The following AK1 variants were observed in gnomAD, a reference collection of about 807,000 sequenced individuals.
AK1 encodes adenylate kinase 1, also known as adenylate kinase isoenzyme 1.
Under a neutral mutation model 23.9 loss-of-function variants are expected in AK1, and 13 were observed. The observed-to-expected ratio is 0.54, with a 90% CI of 0.35 to 0.86. The LOEUF is 0.86. Among genes scored for constraint, AK1 ranks in the 40% least tolerant of loss-of-function variants. The probability of loss-of-function intolerance (pLI) is 0.01; values close to 1 mark genes in which losing one functional copy is unlikely to be tolerated. For missense variants in AK1, 214 were observed against 255.1 expected (o/e 0.84, Z 1.10); for synonymous variants, 97 against 102.8 (o/e 0.94, Z 0.34).
intron 2 of AK1, chr9:127,873,713 G>A (rs1434369186): frequency 1.0e-6 from 1 of 985,330 alleles, no homozygotes; most frequent in Admixed American, 6.1e-5. Flanking sequence ...GGGAAACTGA[G>A]CTCGAGAGAG....
upstream of AK1, among the ~76,000 whole-genome samples, chr9:127,879,146 A>G (rs981717013): frequency 7.9e-5 from 12 of 152,010 alleles, no homozygotes; most frequent in African/African-American, 2.9e-4. Flanking sequence ...GTTTCAAGGA[A>G]ACATGTGGGC....
At chr9:127,874,544 G>A (rs1829493459) in intron 2 of AK1, 67 bp downstream of exon 2, 55 of 1,611,806 alleles carry the variant, frequency 3.4e-5, no homozygotes, top group Non-Finnish European at 4.5e-5. Context: ...CTCCCTGAGA[G>A]CGCACCCCCT....
chr9:127,871,883 T>C lies in AK1; in HGVS notation c.264A>G (p.Lys88=). ...DAMVAKVNTS[K]GFLIDGYPRE... is the part of the protein sequence containing the mutation. ...GCGGGTAGCCATCAATCAGGAAGCC[T>C]TTGGAAGTATTGACTTTGGCCACCA... The change falls in exon 5 of 7, where the codon AAA becomes AAG. Residue 88 remains lysine, a synonymous_variant. Transcript: ENST00000644144. The surrounding 1 kb of genome is among the most constrained non-coding windows in gnomAD (Gnocchi z 4.4). 6.2e-7 allele frequency: 1 copy of C among 1,614,088 alleles called. No homozygotes were observed. The highest frequency in any genetic ancestry group is 8.5e-7 in the Non-Finnish European group (1 of 1,179,992).
chr9:127,870,662 T>A (rs1006186958), intron 5 of AK1, among the ~76,000 whole-genome samples: 1 of 152,062 alleles, frequency 6.6e-6, no homozygotes, highest in Non-Finnish European at 1.5e-5. Flanking sequence ...CCATTTCAGA[T>A]AGGGAAGGTG....
Position 127,867,716 on chromosome 9 carries a change from G to C in AK1, c.*292C>G, listed in dbSNP as rs1015849711. The C allele has an allele frequency of 2.4e-6, 1 of 419,240 alleles. No individual in the cohort carries two copies. The highest frequency in any genetic ancestry group is 2.0e-5 in the African/African-American group (1 of 49,162). The allele number at this position is 419,240 out of a possible 1,614,324, so 26.0% of individuals were successfully genotyped here. On this transcript the variant is annotated 3_prime_UTR_variant, in exon 7 of 7. Coordinates refer to ENST00000644144, the MANE Select transcript of AK1 (RefSeq NM_000476.3). ...GGCCTCCCACCAGAGCTAGAGGAGG[G>C]GTGGCTGGCAAAGGGAGGCTGAGGA... is the stretch of plus-strand genomic sequence containing the variant.
At chr9:127,876,697 G>A (rs1421009512) in intron 1 of AK1, among the ~76,000 whole-genome samples, 1 of 35,080 alleles carries the variant, frequency 2.9e-5, no homozygotes, top group Non-Finnish European at 5.6e-5. Context: ...AGCCCCCTCC[G>A]CCCTGATGGC....
chr9:127,867,862 C>T lies in AK1; in HGVS notation c.*146G>A. On this transcript the variant is annotated 3_prime_UTR_variant, in exon 7 of 7. Transcript: ENST00000644144. ...AATGTCCTTAGAAATTCCTTTAGTG[C>T]TCAGCTGTCCATGAAAACAGGATAA... 1 of 760,524 alleles carries T rather than the reference C, an allele frequency of 1.3e-6. No individual in the cohort carries two copies. The highest frequency in any genetic ancestry group is 1.6e-5 in the South Asian group (1 of 63,452). The allele number at this position is 760,524 out of a possible 1,614,324, so 47.1% of individuals were successfully genotyped here.
At chr9:127,874,733 G>C in intron 1 of AK1, 84 bp from the exon 2 acceptor site, 1 of 1,358,618 alleles carries the variant, frequency 7.4e-7, no homozygotes, top group Admixed American at 1.8e-5. Context: ...AAGGCAACTG[G>C]TGTGTGCCAG....
At position 127,872,756 on chromosome 9, in the gene AK1, G is replaced by A. The variant is rs888655543; in HGVS notation, c.141C>T (p.Val47=). 3 of 1,614,074 alleles carry A rather than the reference G, an allele frequency of 1.9e-6. No homozygotes were observed. Among genetic ancestry groups the A allele is most frequent in the African/African-American group, 1.3e-5 (1 of 74,940 alleles). The change falls in exon 4 of 7, where the codon GTC becomes GTT. Residue 47 remains valine (V), a synonymous_variant. Coordinates refer to ENST00000644144, the MANE Select transcript of AK1 (RefSeq NM_000476.3). ...LSTGDLLRSE[V]SSGSARGKKL... ...TCTTGCCCCTGGCCGAGCCTGAGCT[G>A]ACCTCGGACCGCAGGAGGTCCCCGG... is the stretch of plus-strand genomic sequence containing the variant.
intron 1 of AK1, among the ~76,000 whole-genome samples, chr9:127,876,292 G>T (rs2131414742): frequency 6.6e-6 from 1 of 152,338 alleles, no homozygotes; most frequent in East Asian, 1.9e-4. Flanking sequence ...TGTGCTGCGG[G>T]CCTGGGATCC....
chr9:127,871,832 A>G lies in AK1; in HGVS notation c.315T>C (p.Phe105=), dbSNP rs1408718425. The change falls in exon 5 of 7, where the codon TTT becomes TTC. Residue 105 remains phenylalanine, a synonymous_variant. Coordinates refer to ENST00000644144, the MANE Select transcript of AK1 (RefSeq NM_000476.3). The surrounding 1 kb of genome is among the most constrained non-coding windows in gnomAD (Gnocchi z 4.4). The part of the protein sequence containing the change: ...YPREVQQGEE[F]ERRIGQPTLL... The stretch of plus-strand genomic sequence containing the variant: ...TGGGTCAGTGCCTTACCCGTCGCTC[A>G]AACTCTTCTCCTTGCTGCACCTCCC... 6.2e-7 allele frequency: 1 copy of G among 1,613,942 alleles called. No homozygotes were observed. The highest frequency in any genetic ancestry group is 1.3e-5 in the African/African-American group (1 of 74,894).
At chr9:127,873,142 G>A (rs769428663) in intron 2 of AK1, 81 bp from the exon 3 acceptor site, 4 of 1,572,854 alleles carry the variant, frequency 2.5e-6, no homozygotes, top group South Asian at 2.3e-5. Context: ...CCAGGCCTGT[G>A]CTGGGCCCCA....
Position 127,868,030 on chromosome 9 carries a change from G to T in AK1, c.563C>A (p.Thr188Asn). 6.2e-7 allele frequency: 1 copy of T among 1,614,154 alleles called. No individual in the cohort carries two copies. Among genetic ancestry groups the T allele is most frequent in the East Asian group, 2.2e-5 (1 of 44,876 alleles). Reference protein sequence around the residue: ...SVDSVFSQVCTHLDALK With the variant: ...SVDSVFSQVCNHLDALK ...TTGCTACTTTAGGGCGTCCAGGTGG[G>T]TGCAGACCTGGGAGAAGACACTGTC... The change falls in exon 7 of 7, where the codon ACC becomes AAC. Residue 188 changes from threonine to asparagine, a missense_variant. Transcript: ENST00000644144. This position sits in a 1 kb window ranked among gnomAD's most constrained non-coding sequence, Gnocchi z 4.1.
At chr9:127,876,667 G>GC (rs1014459590) in intron 1 of AK1, among the ~76,000 whole-genome samples, 3 of 47,202 alleles carry the variant, frequency 6.4e-5, no homozygotes, top group South Asian at 7.0e-4. Flanking sequence ...GCCCTGCCCC[G>GC]CCCCCCTCCT....
chr9:127,868,370 G>A lies in AK1; in HGVS notation c.467C>T (p.Ala156Val). Residue 156 changes from alanine to valine, a missense_variant, in exon 6 of 7, where the codon GCC becomes GTC. Coordinates refer to ENST00000644144, the MANE Select transcript of AK1 (RefSeq NM_000476.3). This position sits in a 1 kb window ranked among gnomAD's most constrained non-coding sequence, Gnocchi z 4.1. ...ATAGAAGGCGATGACAGGTTCTGTG[G>A]CCTTGTAATAGGTCTCCAGCCGCTT... ...IKKRLETYYK[A>V]TEPVIAFYEK... 1.9e-6 allele frequency: 3 copies of A among 1,611,014 alleles called. No individual in the cohort carries two copies. Among genetic ancestry groups the A allele is most frequent in the Non-Finnish European group, 2.5e-6 (3 of 1,178,866 alleles).
chr9:127,874,902 TC>T, intron 1 of AK1: 1 of 508,456 alleles, frequency 2.0e-6, no homozygotes, highest in Non-Finnish European at 3.6e-6. Context: ...AGTAGCCCCC[TC>T]CCATCCACCT....
At chr9:127,874,826 GAAAGTGACCTTGGA>G in intron 1 of AK1, 177 bp from the exon 2 acceptor site, 1 of 633,336 alleles carries the variant, frequency 1.6e-6, no homozygotes, top group Non-Finnish European at 2.8e-6. Flanking sequence ...GCCACCTTGG[GAAAGTGACCTTGGA>G]AAAGTCACCT....
At chr9:127,873,742 A>T (rs1449717170) in intron 2 of AK1, 1 of 985,278 alleles carries the variant, frequency 1.0e-6, no homozygotes, top group Non-Finnish European at 1.2e-6. Flanking sequence ...TGCTCAAGGG[A>T]TGTCAGAACC....
intron 1 of AK1, chr9:127,874,935 G>A (rs1829502542): frequency 4.6e-6 from 2 of 436,082 alleles, no homozygotes; most frequent in East Asian, 8.8e-5. Context: ...GGAGGGGCTG[G>A]GACAGTGAGG....
Sources: gnomAD v4.1 joint callset for allele counts (sites outside exome capture counted in the v4.1 genomes callset) on GRCh38, gnomAD v4.1.1 for gene constraint, Gnocchi (gnomAD v3.1) non-coding constraint, MANE v1.5 for transcripts, NCBI Gene and HGNC (gene_info 2026-07-23, HGNC 2026-07-21) for gene names.